USP42: variants seen among roughly 807,000 people sequenced by gnomAD.
USP42 encodes ubiquitin carboxyl-terminal hydrolase 42.
Under a neutral mutation model 113.0 loss-of-function variants are expected in USP42, and 23 were observed. That is an observed-to-expected ratio of 0.20 (90% CI 0.15 to 0.29). The LOEUF is 0.29. Among genes scored for constraint, USP42 ranks in the 10% least tolerant of loss-of-function variants. The pLI, the probability that USP42 is intolerant of heterozygous loss-of-function variation, is 1.00. For synonymous variants in USP42, 933 were observed against 699.0 expected, an observed-to-expected ratio of 1.33 and a Z score of -5.28; for missense variants, 2,174 against 1,779.8, an observed-to-expected ratio of 1.22 and a Z score of -3.99.
At chr7:6,129,246 T>G (rs1188804827) in intron 3 of USP42, among the ~76,000 whole-genome samples, 3 of 152,182 alleles carry the variant, frequency 2.0e-5, no homozygotes, top group Non-Finnish European at 4.4e-5. Flanking sequence ...TCTCCACTAG[T>G]TATAATTGTT....
the USP42 span, among the ~76,000 whole-genome samples, chr7:6,099,816 ATCTG>A: frequency 3.3e-5 from 5 of 150,896 alleles, no homozygotes; most frequent in Admixed American, 3.3e-4. Flanking sequence ...TACAAAAATT[ATCTG>A]GGCATTGTGG....
intron 14 of USP42, chr7:6,153,002 G>A: frequency 1.0e-6 from 1 of 979,370 alleles, no homozygotes; most frequent in Non-Finnish European, 1.2e-6. Flanking sequence ...CAGGCGCGGT[G>A]GCTCACGCCT....
rs566475833 is a variant in USP42 at position 6,153,826 on chromosome 7, G to C, written c.2272G>C (p.Glu758Gln). 1,100 of 1,535,474 alleles carry C rather than the reference G, an allele frequency of 7.2e-4. 9 individuals are homozygous for C. Among genetic ancestry groups the C allele is most frequent in the South Asian group, 6.4e-3 (531 of 83,230 alleles). ...GCCTCAGCCTGGCAGCCCCGCCGCC[G>C]AATCCCTGGAGGAGCCAGATGCGGC... ...AEPQPGSPAA[E>Q]SLEEPDAAAG... Residue 758 changes from glutamate to glutamine, a missense_variant, in exon 15 of 18, where the codon GAA (glutamate) becomes CAA (glutamine). Coordinates refer to ENST00000306177, the MANE Select transcript of USP42 (RefSeq NM_032172.3).
chr7:6,092,537 T>G, the USP42 span, among the ~76,000 whole-genome samples: 1 of 151,182 alleles, frequency 6.6e-6, no homozygotes, highest in Non-Finnish European at 1.5e-5. Context: ...CAGCATCCAC[T>G]TCAGGGGTAA....
intron 2 of USP42, among the ~76,000 whole-genome samples, chr7:6,111,625 C>T (rs370664284): frequency 2.8e-5 from 4 of 144,460 alleles, no homozygotes; most frequent in South Asian, 2.2e-4. Flanking sequence ...TTTTTTGAGA[C>T]GGAGTCTCGC....
At chr7:6,085,546 C>T in the USP42 span, among the ~76,000 whole-genome samples, 2 of 149,328 alleles carry the variant, frequency 1.3e-5, no homozygotes, top group Admixed American at 1.3e-4. Flanking sequence ...GAAGAGGGAC[C>T]TGCTGTATAA....
chr7:6,126,407 C>A (rs937814112), intron 3 of USP42, among the ~76,000 whole-genome samples: 2 of 152,108 alleles, frequency 1.3e-5, no homozygotes, highest in African/African-American at 4.8e-5. Context: ...GCCTCAGCCT[C>A]CCGAGTAGCT....
chr7:6,113,949 G>C lies in USP42; in HGVS notation c.242-1374G>C, dbSNP rs117479594. ...TCTCAGCCTTCTGTTAGAGCACTGGGGGACTGCCAAAGCCTTTGAAAAATT... is the reference window on the plus strand; with the variant it reads ...TCTCAGCCTTCTGTTAGAGCACTGGCGGACTGCCAAAGCCTTTGAAAAATT... On this transcript the variant is annotated intron_variant, in intron 2 of 17. Transcript: ENST00000306177. Among the ~76,000 whole-genome samples the C allele has an allele frequency of 3.5e-3, 534 of 152,270 alleles. 3 individuals are homozygous for C. The highest frequency in any genetic ancestry group is 5.6e-3 in the Non-Finnish European group (383 of 68,010).
In USP42 at chr7:6,144,321, G is replaced by T. The variant is rs1178082329; in HGVS notation, c.990+125G>T. The T allele has an allele frequency of 4.8e-6, 3 of 625,158 alleles. No individual in the cohort carries two copies. In the African/African-American group the frequency reaches 5.9e-5, roughly 12 times the overall value. The allele number at this position is 625,158 out of a possible 1,614,324, so 38.7% of individuals were successfully genotyped here. ...AAATTGCTAACTATTACCTACATTT[G>T]GGCTTCATTGTCTGTTTTGTTGGTA... On this transcript the variant is annotated intron_variant, in intron 9 of 17. Coordinates refer to ENST00000306177, the MANE Select transcript of USP42 (RefSeq NM_032172.3).
At chr7:6,120,909 A>G (rs1452414769) in intron 3 of USP42, among the ~76,000 whole-genome samples, 1 of 152,220 alleles carries the variant, frequency 6.6e-6, no homozygotes, top group East Asian at 1.9e-4. Context: ...ATTAACTATT[A>G]CAAAGGGTAT....
At position 6,145,584 on chromosome 7, in the gene USP42, C is replaced by G; in HGVS notation, c.1059C>G (p.Val353=). The change falls in exon 10 of 18, where the codon GTC becomes GTG. Residue 353 remains valine, a synonymous_variant. Coordinates refer to ENST00000306177, the MANE Select transcript of USP42 (RefSeq NM_032172.3). The part of the protein sequence containing the change: ...YMSQPNGEPI[V]YVLYAVLVHT... ...CTCAACCCAACGGAGAGCCAATTGT[C>G]TACGTCTTGTATGCAGTGCTGGTCC... 1.2e-6 allele frequency: 2 copies of G among 1,614,030 alleles called. No individual in the cohort carries two copies. The highest frequency in any genetic ancestry group is 1.7e-6 in the Non-Finnish European group (2 of 1,179,900).
intron 1 of USP42, among the ~76,000 whole-genome samples, chr7:6,110,616 A>G (rs1029090930): frequency 6.6e-6 from 1 of 152,198 alleles, no homozygotes; most frequent in Non-Finnish European, 1.5e-5. Context: ...TAAAAAATAT[A>G]ATGTATTTCA....
chr7:6,142,577 C>T (rs961076015), intron 7 of USP42, among the ~76,000 whole-genome samples: 2 of 152,092 alleles, frequency 1.3e-5, no homozygotes, highest in Non-Finnish European at 2.9e-5. Context: ...TCTTCTGTTC[C>T]TTCTTTTAAA....
chr7:6,114,982 G>A (rs1020246190), intron 2 of USP42, among the ~76,000 whole-genome samples: 10 of 151,904 alleles, frequency 6.6e-5, no homozygotes, highest in Admixed American at 5.3e-4. Context: ...GAGCCACTGT[G>A]CCCGGCCCTA....
At chr7:6,106,877 GT>G (rs1235540183) in intron 1 of USP42, among the ~76,000 whole-genome samples, 2 of 152,124 alleles carry the variant, frequency 1.3e-5, no homozygotes, top group Non-Finnish European at 2.9e-5. Flanking sequence ...GTAGGTTGTT[GT>G]TTTAATGCTC....
At chr7:6,124,602 C>T (rs1780422393) in intron 3 of USP42, among the ~76,000 whole-genome samples, 1 of 152,138 alleles carries the variant, frequency 6.6e-6, no homozygotes. Context: ...TTAATTTGAT[C>T]TTGCTTTTTA....
chr7:6,096,168 A>C, the USP42 span, among the ~76,000 whole-genome samples: 1 of 150,864 alleles, frequency 6.6e-6, no homozygotes, highest in South Asian at 2.1e-4. Context: ...CAACCAGGTT[A>C]TTATAGACAT....
At chr7:6,147,953 C>G (rs1781818200) in intron 12 of USP42, 61 bp downstream of exon 12, 5 of 1,506,576 alleles carry the variant, frequency 3.3e-6, no homozygotes, top group Middle Eastern at 1.7e-4. Context: ...ACTTCAAACT[C>G]TCAAGTTGAA....
intron 15 of USP42, 47 bp from the exon 16 acceptor site, chr7:6,156,707 G>C (rs187870327): frequency 6.7e-6 from 10 of 1,493,450 alleles, no homozygotes; most frequent in Middle Eastern, 3.6e-4. Flanking sequence ...TCTGCTGCTG[G>C]TGGTTTTGTG....
Sources: gnomAD v4.1 joint callset for allele counts (sites outside exome capture counted in the v4.1 genomes callset) on GRCh38, gnomAD v4.1.1 for gene constraint, MANE v1.5 for transcripts, NCBI Gene and HGNC (gene_info 2026-07-23, HGNC 2026-07-21) for gene names.